The following PTPRG variants were observed in gnomAD, a reference collection of about 807,000 sequenced individuals.
PTPRG encodes the protein protein tyrosine phosphatase receptor type G.
Under a neutral mutation model 165.3 loss-of-function variants are expected in PTPRG, and 102 were observed. The ratio of observed to expected loss-of-function variants is 0.62; its 90% CI spans 0.53 to 0.73. The LOEUF is 0.73. Among genes scored for constraint, PTPRG ranks in the 30% least tolerant of loss-of-function variants. The pLI is 0.00. For synonymous variants in PTPRG, 675 were observed against 669.5 expected (o/e 1.01, Z -0.13); for missense variants, 1,866 against 1,861.4 (o/e 1.00, Z -0.05).
chr3:61,698,254 A>C (rs892330176), intron 1 of PTPRG, among the ~76,000 whole-genome samples: 1 of 152,146 alleles, frequency 6.6e-6, no homozygotes, highest in Non-Finnish European at 1.5e-5. Flanking sequence ...TCTCCATGGC[A>C]CATAAGAGAT....
intron 2 of PTPRG, among the ~76,000 whole-genome samples, chr3:61,767,060 A>G (rs1181893700): frequency 5.3e-5 from 8 of 151,742 alleles, no homozygotes; most frequent in Admixed American, 2.6e-4. Context: ...CCCGGCCAAC[A>G]TGGTGAAACC....
chr3:62,209,678 T>C (rs1360936223), intron 12 of PTPRG, among the ~76,000 whole-genome samples: 1 of 152,222 alleles, frequency 6.6e-6, no homozygotes, highest in Non-Finnish European at 1.5e-5. Context: ...CTTCCTGGCA[T>C]GTCCGTGGGA....
chr3:62,154,106 T>C (rs966943893), intron 6 of PTPRG, among the ~76,000 whole-genome samples: 1 of 152,240 alleles, frequency 6.6e-6, no homozygotes, highest in Non-Finnish European at 1.5e-5. Context: ...AAAATGTCCC[T>C]GGATCCCCTA....
chr3:61,723,781 A>G (rs998223238), intron 1 of PTPRG, among the ~76,000 whole-genome samples: 1 of 152,168 alleles, frequency 6.6e-6, no homozygotes, highest in Non-Finnish European at 1.5e-5. Flanking sequence ...TATCTCATAT[A>G]TGGTGTAACC....
intron 2 of PTPRG, among the ~76,000 whole-genome samples, chr3:61,882,195 A>G (rs983923106): frequency 4.6e-5 from 7 of 152,216 alleles, no homozygotes; most frequent in African/African-American, 1.4e-4. Flanking sequence ...GTTAAAGAGT[A>G]TTGGGGTAAC....
At chr3:61,947,285 T>C (rs567855133) in intron 2 of PTPRG, among the ~76,000 whole-genome samples, 16 of 152,288 alleles carry the variant, frequency 1.1e-4, no homozygotes, top group Admixed American at 9.2e-4. Context: ...GTTTAAAAAT[T>C]GACAACAATT....
intron 1 of PTPRG, among the ~76,000 whole-genome samples, chr3:61,649,645 C>T (rs758636627): frequency 1.3e-5 from 2 of 152,196 alleles, no homozygotes; most frequent in Non-Finnish European, 2.9e-5. Context: ...TTGGAGGAGA[C>T]ATGCAGGCTT....
chr3:61,897,389 G>C (rs1304003583), intron 2 of PTPRG, among the ~76,000 whole-genome samples: 1 of 152,052 alleles, frequency 6.6e-6, no homozygotes, highest in African/African-American at 2.4e-5. Flanking sequence ...TCAAAAATGA[G>C]TTGAGCATAT....
At chr3:62,055,178 C>G (rs1241757993) in intron 4 of PTPRG, among the ~76,000 whole-genome samples, 1 of 152,172 alleles carries the variant, frequency 6.6e-6, no homozygotes, top group Non-Finnish European at 1.5e-5. Flanking sequence ...TGAGTCCACA[C>G]TTTCATTGCA....
intron 2 of PTPRG, among the ~76,000 whole-genome samples, chr3:61,822,168 C>T (rs973898563): frequency 6.6e-6 from 1 of 152,220 alleles, no homozygotes; most frequent in Non-Finnish European, 1.5e-5. Flanking sequence ...TCCTCTATGG[C>T]AACATTCTTG....
intron 2 of PTPRG, among the ~76,000 whole-genome samples, chr3:61,759,618 A>G (rs1165194497): frequency 6.6e-6 from 1 of 152,158 alleles, no homozygotes; most frequent in African/African-American, 2.4e-5. Context: ...ACACCACTGC[A>G]TTCCCAGCCT....
chr3:61,860,664 G>A (rs1022329199), intron 2 of PTPRG, among the ~76,000 whole-genome samples: 1 of 151,846 alleles, frequency 6.6e-6, no homozygotes, highest in African/African-American at 2.4e-5. Flanking sequence ...GACTGGTCTC[G>A]AACTCCTGAC....
intron 2 of PTPRG, among the ~76,000 whole-genome samples, chr3:61,801,196 A>G (rs1217198530): frequency 2.6e-5 from 4 of 152,208 alleles, no homozygotes; most frequent in Non-Finnish European, 5.9e-5. Flanking sequence ...CTTCAAAAGC[A>G]CACATATTTT....
At chr3:61,742,545 G>A in intron 1 of PTPRG, 2 of 1,594,744 alleles carry the variant, frequency 1.3e-6, no homozygotes, top group Middle Eastern at 1.7e-4. Flanking sequence ...ACACCAAGAA[G>A]TTGACAGCCA....
chr3:62,288,457 C>CTG (rs1702754412), intron 28 of PTPRG, among the ~76,000 whole-genome samples: 1 of 151,916 alleles, frequency 6.6e-6, no homozygotes, highest in African/African-American at 2.4e-5. Context: ...GGCAGATCAC[C>CTG]AGGTCAGGAG....
intron 1 of PTPRG, among the ~76,000 whole-genome samples, chr3:61,656,415 C>A (rs566799602): frequency 2.0e-5 from 3 of 152,108 alleles, no homozygotes; most frequent in Admixed American, 2.0e-4. Context: ...AAAAACTGAC[C>A]GTTTCATAAA....
At chr3:61,890,656 T>A (rs1401332805) in intron 2 of PTPRG, among the ~76,000 whole-genome samples, 1 of 152,144 alleles carries the variant, frequency 6.6e-6, no homozygotes, top group Non-Finnish European at 1.5e-5. Context: ...CACCTCCAAC[T>A]GCTGAATTTG....
chr3:62,017,351 A>G (rs1040008957), intron 4 of PTPRG, among the ~76,000 whole-genome samples: 1 of 152,210 alleles, frequency 6.6e-6, no homozygotes. Flanking sequence ...GTTACTCCCA[A>G]ATAAACACAT....
intron 2 of PTPRG, among the ~76,000 whole-genome samples, chr3:61,878,820 A>G (rs2107464429): frequency 6.6e-6 from 1 of 152,286 alleles, no homozygotes; most frequent in Non-Finnish European, 1.5e-5. Context: ...TGTATAAAAC[A>G]CAATAGAACC....
Sources: gnomAD v4.1 joint callset for allele counts (sites outside exome capture counted in the v4.1 genomes callset) on GRCh38, gnomAD v4.1.1 for gene constraint, MANE v1.5 for transcripts, NCBI Gene and HGNC (gene_info 2026-07-23, HGNC 2026-07-21) for gene names.